ZNF287: variants seen among roughly 807,000 people sequenced by gnomAD.
The protein encoded by ZNF287 is zinc finger protein with KRAB and SCAN domains 13.
Under a neutral mutation model 73.7 loss-of-function variants are expected in ZNF287, and 31 were observed. The observed-to-expected ratio is 0.42, with a 90% CI of 0.32 to 0.57. The LOEUF is 0.57. Ranked by LOEUF, ZNF287 falls within the 20% of genes least tolerant of loss-of-function variation. The pLI, the probability that ZNF287 is intolerant of heterozygous loss-of-function variation, is 0.13. For synonymous variants in ZNF287, 301 were observed against 307.2 expected, an observed-to-expected ratio of 0.98 and a Z score of 0.21; for missense variants, 641 against 909.3, an observed-to-expected ratio of 0.70 and a Z score of 3.79.
intron 5 of ZNF287, chr17:16,559,304 G>A (rs1207631868): frequency 1.3e-5 from 2 of 152,048 alleles, no homozygotes; most frequent in Non-Finnish European, 2.9e-5. Context: ...ACTATCCTTA[G>A]TGGTATATAT....
chr17:16,563,892 G>A lies in ZNF287; in HGVS notation c.502-67C>T. On this transcript the variant is annotated intron_variant, in intron 3 of 5. Coordinates refer to ENST00000395825, the MANE Select transcript of ZNF287 (RefSeq NM_020653.4). Reference sequence around the variant, plus strand: ...GGCAAAGGGGACACTGATAACACTGGGTATATGTATGGTGGGGGACTGTCA... The same window carrying A: ...GGCAAAGGGGACACTGATAACACTGAGTATATGTATGGTGGGGGACTGTCA... The A allele has an allele frequency of 9.6e-6, 15 of 1,557,514 alleles. No homozygotes were observed. In the South Asian group the frequency reaches 1.8e-4, roughly 19 times the overall value.
At chr17:16,566,654 T>C (rs758065936) in intron 2 of ZNF287, 32 bp from the exon 3 acceptor site, 1 of 1,536,988 alleles carries the variant, frequency 6.5e-7, no homozygotes, top group South Asian at 1.1e-5. Context: ...TGAGGGAGAT[T>C]AGTCCTTTCT....
chr17:16,563,624 G>C, intron 4 of ZNF287, 75 bp downstream of exon 4: 1 of 1,495,244 alleles, frequency 6.7e-7, no homozygotes, highest in Non-Finnish European at 9.0e-7. Flanking sequence ...CCCATTTTTA[G>C]CCAAGCATGT....
At position 16,549,901 on chromosome 17, in the gene ZNF287, T is replaced by C. The variant is rs1052711538; in HGVS notation, c.*1955A>G. Among the ~76,000 whole-genome samples, 5 of 152,202 alleles carry C rather than the reference T, an allele frequency of 3.3e-5. No homozygotes were observed. The highest frequency in any genetic ancestry group is 1.2e-4 in the African/African-American group (5 of 41,448). ...TTTGATATATGCACAAAAATATTTT[T>C]CGTTATACCAATTTTCACTCCATGC... On this transcript the variant is annotated 3_prime_UTR_variant, in exon 6 of 6. Coordinates refer to ENST00000395825, the MANE Select transcript of ZNF287 (RefSeq NM_020653.4).
In ZNF287 at chr17:16,553,359, G is replaced by C; in HGVS notation, c.783C>G (p.Thr261=). ...EDMSKLTKEE[T]HTIKLEDSYD... ...ATGAGTCTTCTAATTTGATGGTATGGGTTTCTTCCTTTGTGAGTTTAGACA... is the reference window on the plus strand; with the variant it reads ...ATGAGTCTTCTAATTTGATGGTATGCGTTTCTTCCTTTGTGAGTTTAGACA... The change falls in exon 6 of 6, where the codon ACC becomes ACG. Residue 261 remains threonine (T), a synonymous_variant. Coordinates refer to ENST00000395825, the MANE Select transcript of ZNF287 (RefSeq NM_020653.4). 1.2e-6 allele frequency: 2 copies of C among 1,610,576 alleles called. No individual in the cohort carries two copies. Among genetic ancestry groups the C allele is most frequent in the Non-Finnish European group, 1.7e-6 (2 of 1,178,462 alleles).
intron 5 of ZNF287, among the ~76,000 whole-genome samples, chr17:16,556,539 TAAAA>T (rs899846461): frequency 3.3e-5 from 5 of 151,890 alleles, no homozygotes; most frequent in Admixed American, 6.6e-5. Context: ...TAAAAAGTAA[TAAAA>T]AAGAAAAATA....
intron 2 of ZNF287, among the ~76,000 whole-genome samples, chr17:16,567,020 T>C (rs945296335): frequency 1.3e-5 from 2 of 152,200 alleles, no homozygotes; most frequent in Admixed American, 1.3e-4. Context: ...GAAGGTACTT[T>C]CTGAGGGCTC....
Position 16,549,105 on chromosome 17 carries a change from T to A in ZNF287, c.*2751A>T, listed in dbSNP as rs1455884056. Among the ~76,000 whole-genome samples the A allele has an allele frequency of 6.6e-6, 1 of 152,118 alleles. No homozygotes were observed. The highest frequency in any genetic ancestry group is 2.4e-5 in the African/African-American group (1 of 41,416). ...CAGAATGTTAGTTTTTAAATTTAGG[T>A]GGGTATATAGTTAATTTTATGATTT... is the stretch of plus-strand genomic sequence containing the variant. On this transcript the variant is annotated 3_prime_UTR_variant, in exon 6 of 6. Coordinates refer to ENST00000395825, the MANE Select transcript of ZNF287 (RefSeq NM_020653.4).
At chr17:16,553,911 A>T (rs760386591) in intron 5 of ZNF287, among the ~76,000 whole-genome samples, 27 of 152,228 alleles carry the variant, frequency 1.8e-4, no homozygotes, top group Non-Finnish European at 3.7e-4. Flanking sequence ...TTCTCAAGGC[A>T]GTCCTCCCAA....
chr17:16,561,441 A>G (rs886508829), intron 5 of ZNF287, among the ~76,000 whole-genome samples: 2 of 152,250 alleles, frequency 1.3e-5, no homozygotes, highest in African/African-American at 4.8e-5. Context: ...ACCTCAAAGT[A>G]TCACTCCACA....
Position 16,551,067 on chromosome 17 carries a change from C to T in ZNF287, c.*789G>A, listed in dbSNP as rs181946936. ...TTTCCATATCTGAGGGAAGGTGTAA[C>T]CAGTGGTCACATAGAAATCTTTAAG... On this transcript the variant is annotated 3_prime_UTR_variant, in exon 6 of 6. Coordinates refer to ENST00000395825, the MANE Select transcript of ZNF287 (RefSeq NM_020653.4). Among the ~76,000 whole-genome samples the T allele has an allele frequency of 6.6e-6, 1 of 152,122 alleles. No homozygotes were observed.
In ZNF287 at chr17:16,551,560, A is replaced by C. The variant is rs1477764554; in HGVS notation, c.*296T>G. 3 of 307,398 alleles carry C rather than the reference A, an allele frequency of 9.8e-6. No homozygotes were observed. Among genetic ancestry groups the C allele is most frequent in the African/African-American group, 6.5e-5 (3 of 46,126 alleles). The allele number at this position is 307,398 out of a possible 1,614,324, so 19.0% of individuals were successfully genotyped here. A position where few individuals can be genotyped will look rare whatever the true frequency, so the allele number is the denominator to read the frequency against. ...GGAACCAATCCCCCGAGTATACCAAAGGATAAGTGTACTTGAAATAGAGAG... is the reference window on the plus strand; with the variant it reads ...GGAACCAATCCCCCGAGTATACCAACGGATAAGTGTACTTGAAATAGAGAG... On this transcript the variant is annotated 3_prime_UTR_variant, in exon 6 of 6. Coordinates refer to ENST00000395825, the MANE Select transcript of ZNF287 (RefSeq NM_020653.4).
At chr17:16,560,787 AG>A (rs1907398736) in intron 5 of ZNF287, among the ~76,000 whole-genome samples, 1 of 140,922 alleles carries the variant, frequency 7.1e-6, no homozygotes, top group African/African-American at 2.7e-5. Context: ...GTGGATCACA[AG>A]GTCAGGAGAT....
rs1597463099 is a variant in ZNF287, at chr17:16,552,724, G to A, written c.1418C>T (p.Thr473Ile). The A allele has an allele frequency of 6.2e-7, 1 of 1,614,042 alleles. No individual in the cohort carries two copies. The change falls in exon 6 of 6, where the codon ACA becomes ATA. Residue 473 changes from threonine (T) to isoleucine (I), a missense_variant. Transcript: ENST00000395825. This position sits in a 1 kb window ranked among gnomAD's most constrained non-coding sequence, Gnocchi z 6.5. ...TTTATATGGTTTCTCTCCAGTATGT[G>A]TCCTTTGATGGATGGTAAGGTGTGC... is the stretch of plus-strand genomic sequence containing the variant. ...QRAHLTIHQRTHTGEKPYKCL... is the reference protein window; with the variant it reads ...QRAHLTIHQRIHTGEKPYKCL...
At chr17:16,553,770 C>T (rs1404362539) in intron 5 of ZNF287, among the ~76,000 whole-genome samples, 2 of 152,200 alleles carry the variant, frequency 1.3e-5, no homozygotes, top group Admixed American at 6.5e-5. Context: ...ATAAAGTAGA[C>T]ATGCTGACTC....
chr17:16,565,838 T>G (rs1397398174), intron 3 of ZNF287, among the ~76,000 whole-genome samples: 1 of 152,066 alleles, frequency 6.6e-6, no homozygotes, highest in Non-Finnish European at 1.5e-5. Flanking sequence ...AATACAAAAA[T>G]TAGCCAGGCA....
intron 5 of ZNF287, among the ~76,000 whole-genome samples, chr17:16,560,938 G>A (rs770880594): frequency 3.3e-5 from 5 of 151,674 alleles, no homozygotes; most frequent in Non-Finnish European, 5.9e-5. Context: ...GGAAGGTGGA[G>A]CTTGTAGTGA....
At chr17:16,560,497 C>T (rs1343116875) in intron 5 of ZNF287, among the ~76,000 whole-genome samples, 2 of 150,994 alleles carry the variant, frequency 1.3e-5, no homozygotes, top group African/African-American at 2.4e-5. Context: ...TTACAGGCAC[C>T]CACCACCACG....
rs1375433381 is a variant in ZNF287, at chr17:16,548,196, C to G, written c.*3660G>C. On this transcript the variant is annotated 3_prime_UTR_variant, in exon 6 of 6. Transcript: ENST00000395825. Reference sequence around the variant, plus strand: ...TGGCAATCAAAATATCCATGTGCTGCCAGTGTCAGTCCACAGATTAATTGC... The same window carrying G: ...TGGCAATCAAAATATCCATGTGCTGGCAGTGTCAGTCCACAGATTAATTGC... Among the ~76,000 whole-genome samples, 4 of 152,106 alleles carry G rather than the reference C, an allele frequency of 2.6e-5. No homozygotes were observed. The highest frequency in any genetic ancestry group is 5.9e-5 in the Non-Finnish European group (4 of 68,022).
Sources: allele counts gnomAD v4.1 joint callset (sites outside exome capture counted in the v4.1 genomes callset), GRCh38; gene constraint gnomAD v4.1.1; non-coding constraint Gnocchi (gnomAD v3.1); transcripts MANE v1.5; gene names NCBI Gene and HGNC (gene_info 2026-07-23, HGNC 2026-07-21).